Variants in ARHGEF33 observed in about 807,000 individuals in gnomAD.
The protein encoded by ARHGEF33 is DH and coiled-coil domain-containing protein ENSP00000381780.
In ARHGEF33, 72 loss-of-function variants were observed where a neutral mutation model predicts 101.9. The observed-to-expected ratio is 0.71, with a 90% CI of 0.58 to 0.86. The LOEUF is 0.86. ARHGEF33 is among the 40% of genes least tolerant of loss of function. The pLI is 0.00. For missense variants in ARHGEF33, 1,169 were observed against 1,111.3 expected (o/e 1.05, Z -0.74); for synonymous variants, 499 against 442.5 (o/e 1.13, Z -1.60).
At chr2:38,896,015 A>T (rs1666114610) in intron 2 of ARHGEF33, among the ~76,000 whole-genome samples, 166 bp downstream of exon 2, 2 of 152,252 alleles carry the variant, frequency 1.3e-5, no homozygotes, top group South Asian at 4.1e-4. Flanking sequence ...TTGTGAGATT[A>T]CTTAATTAGC....
chr2:38,972,527 G>A (rs948371389), intron 17 of ARHGEF33, among the ~76,000 whole-genome samples: 2 of 152,190 alleles, frequency 1.3e-5, no homozygotes, highest in African/African-American at 4.8e-5. Flanking sequence ...GGCTTCATCT[G>A]TGATATTGAA....
At chr2:38,962,930 G>A (rs947040367) in intron 16 of ARHGEF33, among the ~76,000 whole-genome samples, 8 of 150,146 alleles carry the variant, frequency 5.3e-5, no homozygotes, top group Non-Finnish European at 7.4e-5. Context: ...AGGCTGAGGC[G>A]AGAGAATGGC....
At chr2:38,899,307 AAGTAAAATTGCTAGTATAAAC>A (rs1286642325) in intron 2 of ARHGEF33, among the ~76,000 whole-genome samples, 2 of 152,174 alleles carry the variant, frequency 1.3e-5, no homozygotes, top group Non-Finnish European at 2.9e-5. Context: ...GCTGAAAATT[AAGTAAAATTGCTAGTATAAAC>A]AGTAAAATTG....
intron 7 of ARHGEF33, among the ~76,000 whole-genome samples, chr2:38,935,035 C>G (rs1399017743): frequency 1.9e-4 from 26 of 139,856 alleles, no homozygotes; most frequent in African/African-American, 6.7e-4. Context: ...AGGGAGAAAA[C>G]AGTAGGTGCA....
chr2:38,892,045 CT>C (rs1447378853), intron 1 of ARHGEF33, among the ~76,000 whole-genome samples: 10 of 152,130 alleles, frequency 6.6e-5, no homozygotes, highest in African/African-American at 2.4e-4. Flanking sequence ...GTATTAACAT[CT>C]GTTTGAGTCT....
intron 11 of ARHGEF33, 134 bp downstream of exon 11, chr2:38,951,255 A>G: frequency 3.6e-6 from 3 of 842,706 alleles, no homozygotes; most frequent in Non-Finnish European, 3.6e-6. Context: ...TAACTTTCTC[A>G]TTCTACATAC....
At chr2:38,964,081 T>C (rs770464470) in intron 16 of ARHGEF33, among the ~76,000 whole-genome samples, 2 of 152,056 alleles carry the variant, frequency 1.3e-5, no homozygotes, top group African/African-American at 2.4e-5. Flanking sequence ...GGGTGATGGG[T>C]GAGAGTGACA....
At chr2:38,902,429 A>G (rs1438423892) in intron 2 of ARHGEF33, among the ~76,000 whole-genome samples, 1 of 152,194 alleles carries the variant, frequency 6.6e-6, no homozygotes, top group African/African-American at 2.4e-5. Flanking sequence ...TCTGTAGTGA[A>G]GCATTTTATT....
intron 17 of ARHGEF33, chr2:38,973,119 CT>C (rs1370394179): frequency 6.6e-6 from 1 of 152,282 alleles, no homozygotes; most frequent in Non-Finnish European, 1.5e-5. Context: ...CTCAAATGGA[CT>C]GATCTGAGTT....
At chr2:38,941,784 A>T (rs1184455284) in intron 9 of ARHGEF33, among the ~76,000 whole-genome samples, 1 of 151,938 alleles carries the variant, frequency 6.6e-6, no homozygotes, top group Non-Finnish European at 1.5e-5. Context: ...TGACCTCGTG[A>T]TCCGCCCACC....
intron 2 of ARHGEF33, among the ~76,000 whole-genome samples, chr2:38,908,334 A>G (rs1254757484): frequency 6.6e-6 from 1 of 152,220 alleles, no homozygotes; most frequent in Non-Finnish European, 1.5e-5. Flanking sequence ...GTTCTGACAC[A>G]GTTAAGTAGG....
intron 8 of ARHGEF33, 23 bp from the exon 9 acceptor site, chr2:38,937,312 C>CGGGGGGGGGGGGGGGGGGGGGGGGGG: frequency 9.6e-5 from 56 of 583,320 alleles, no homozygotes; most frequent in East Asian, 3.3e-4. Flanking sequence ...TTTGTTTCCC[C>CGGGGGGGGGGGGGGGGGGGGGGGGGG]GCCCCTCCCC....
intron 16 of ARHGEF33, among the ~76,000 whole-genome samples, chr2:38,962,396 A>G (rs1322268108): frequency 6.6e-6 from 1 of 152,202 alleles, no homozygotes; most frequent in Non-Finnish European, 1.5e-5. Context: ...GGGTTCAACA[A>G]TTGTAAGGCA....
chr2:38,927,925 C>T (rs1666909892), intron 4 of ARHGEF33, among the ~76,000 whole-genome samples: 1 of 152,104 alleles, frequency 6.6e-6, no homozygotes, highest in Non-Finnish European at 1.5e-5. Flanking sequence ...TAGAAGTGCT[C>T]CATTTTCTCC....
At chr2:38,919,266 G>A (rs1666704394) in intron 2 of ARHGEF33, 97 bp from the exon 3 acceptor site, 1 of 592,558 alleles carries the variant, frequency 1.7e-6, no homozygotes, top group Admixed American at 2.9e-5. Context: ...TGTACCTCAA[G>A]CTGTGTTCAT....
intron 14 of ARHGEF33, among the ~76,000 whole-genome samples, chr2:38,957,718 G>A (rs980704062): frequency 2.0e-5 from 3 of 152,274 alleles, no homozygotes; most frequent in Middle Eastern, 3.4e-3. Flanking sequence ...CTGTGGAGGA[G>A]AACAACCATT....
chr2:38,963,901 G>A (rs1018505411), intron 16 of ARHGEF33, among the ~76,000 whole-genome samples: 12 of 152,280 alleles, frequency 7.9e-5, no homozygotes, highest in South Asian at 6.2e-4. Context: ...CACAGACTGC[G>A]GAGGGGGAGG....
chr2:38,902,134 G>GAAA (rs1156887244), intron 2 of ARHGEF33, among the ~76,000 whole-genome samples: 6 of 58,460 alleles, frequency 1.0e-4, no homozygotes, highest in East Asian at 5.3e-4. Flanking sequence ...TCCATCTCAA[G>GAAA]AAAAAAAAAA....
chr2:38,972,693 T>C (rs1222556619), intron 17 of ARHGEF33, among the ~76,000 whole-genome samples: 1 of 152,210 alleles, frequency 6.6e-6, no homozygotes, highest in Non-Finnish European at 1.5e-5. Flanking sequence ...GATTAACTTA[T>C]CTAATAACAA....
Sources: allele counts gnomAD v4.1 joint callset (sites outside exome capture counted in the v4.1 genomes callset), GRCh38; gene constraint gnomAD v4.1.1; transcripts MANE v1.5; gene names NCBI Gene and HGNC (gene_info 2026-07-23, HGNC 2026-07-21).